Variants in WDR25 observed in about 807,000 individuals in gnomAD.
The protein encoded by WDR25 is WD repeat domain 25.
In WDR25, 35 loss-of-function variants were observed where a neutral mutation model predicts 47.7. That is an observed-to-expected ratio of 0.73 (90% confidence interval 0.56 to 0.97). The LOEUF (loss-of-function observed/expected upper bound fraction) is 0.97, where lower values mean the gene tolerates loss of function less well. WDR25 is among the 50% of genes least tolerant of loss of function. The pLI, the probability that WDR25 is intolerant of heterozygous loss-of-function variation, is 0.00. For missense variants in WDR25, 634 were observed against 704.7 expected, an observed-to-expected ratio of 0.90 and a Z score of 1.14; for synonymous variants, 248 against 278.9, an observed-to-expected ratio of 0.89 and a Z score of 1.10.
chr14:100,515,993 A>T (rs1469915287), intron 4 of WDR25, among the ~76,000 whole-genome samples: 1 of 144,130 alleles, frequency 6.9e-6, no homozygotes, highest in Non-Finnish European at 1.5e-5. Flanking sequence ...CTATTGACAG[A>T]TTTTTTTTTT....
At chr14:100,405,960 C>T (rs763854115) in intron 2 of WDR25, among the ~76,000 whole-genome samples, 3 of 152,164 alleles carry the variant, frequency 2.0e-5, no homozygotes, top group African/African-American at 7.2e-5. Flanking sequence ...GCAATCAATC[C>T]GTTTCTTGAC....
chr14:100,527,179 C>T (rs73351064), intron 5 of WDR25, among the ~76,000 whole-genome samples: 1,983 of 151,772 alleles, frequency 0.013, 40 homozygotes, highest in African/African-American at 0.045. Context: ...CACACTATCT[C>T]TATCACCACC....
At chr14:100,447,082 A>C (rs1370603422) in intron 2 of WDR25, among the ~76,000 whole-genome samples, 1 of 152,232 alleles carries the variant, frequency 6.6e-6, no homozygotes, top group Non-Finnish European at 1.5e-5. Context: ...CGCTATTAGA[A>C]AATTTCTGGG....
intron 2 of WDR25, among the ~76,000 whole-genome samples, chr14:100,438,884 AGAGCT>A (rs1342149672): frequency 6.6e-6 from 1 of 152,264 alleles, no homozygotes. Flanking sequence ...GGTAAGAGGC[AGAGCT>A]GGGATTTGAA....
At chr14:100,418,768 G>T (rs965672574) in intron 2 of WDR25, among the ~76,000 whole-genome samples, 3 of 142,226 alleles carry the variant, frequency 2.1e-5, no homozygotes, top group African/African-American at 6.0e-5. Context: ...GGCGGTGGCG[G>T]GGGGGGGTCC....
At position 100,520,418 on chromosome 14, in the gene WDR25, C is replaced by T. The variant is rs538402584; in HGVS notation, c.1102-5452C>T. On this transcript the variant is annotated intron_variant, in intron 4 of 6. Coordinates refer to ENST00000402312, the MANE Select transcript of WDR25 (RefSeq NM_001161476.3). ...TATATTGACACTAACAATGAAACGACTGAAAACACTTTAAGATTTCTTGCA... is the reference window on the plus strand; with the variant it reads ...TATATTGACACTAACAATGAAACGATTGAAAACACTTTAAGATTTCTTGCA... 1.8e-4 allele frequency among the ~76,000 whole-genome samples: 27 copies of T among 152,210 alleles called. No homozygotes were observed. The South Asian group carries it at 1.9e-3, about 11-fold the overall frequency.
chr14:100,520,761 A>G (rs2029869032), intron 4 of WDR25, among the ~76,000 whole-genome samples: 1 of 152,290 alleles, frequency 6.6e-6, no homozygotes, highest in South Asian at 2.1e-4. Flanking sequence ...GTTTACAAGC[A>G]TCGGGCTCGT....
At chr14:100,417,031 A>T (rs1451232414) in intron 2 of WDR25, among the ~76,000 whole-genome samples, 1 of 152,228 alleles carries the variant, frequency 6.6e-6, no homozygotes, top group Non-Finnish European at 1.5e-5. Context: ...CCTGAAAACT[A>T]GTGACTCAAC....
intron 2 of WDR25, among the ~76,000 whole-genome samples, chr14:100,398,568 T>C (rs1897309762): frequency 6.6e-6 from 1 of 151,890 alleles, no homozygotes. Flanking sequence ...CCCAACTTCT[T>C]CGAATGGTAA....
chr14:100,448,792 C>T (rs1029727673), intron 2 of WDR25, among the ~76,000 whole-genome samples: 2 of 152,046 alleles, frequency 1.3e-5, no homozygotes, highest in Non-Finnish European at 2.9e-5. Context: ...GCCTACCTAG[C>T]TGCATGGAGA....
chr14:100,444,669 C>T (rs1462255860), intron 2 of WDR25, among the ~76,000 whole-genome samples: 1 of 152,196 alleles, frequency 6.6e-6, no homozygotes, highest in Non-Finnish European at 1.5e-5. Context: ...TGGGACTATA[C>T]AGAGGGTGGA....
chr14:100,442,112 G>A (rs1462738800), intron 2 of WDR25, among the ~76,000 whole-genome samples: 1 of 152,220 alleles, frequency 6.6e-6, no homozygotes, highest in African/African-American at 2.4e-5. Context: ...AGCCATGCTT[G>A]AGCTCTTCTT....
In WDR25 at chr14:100,529,082, C is replaced by T. The variant is rs1458230670; in HGVS notation, c.1287C>T (p.Cys429=). ...SNQIFHERFT[C]PSLALHPREP... The stretch of plus-strand genomic sequence containing the variant: ...GCTGTTCTCAGGAGAGGTTCACCTG[C>T]CCCAGCCTCGCCTTGCACCCGAGAG... The change falls in exon 6 of 7, where the codon TGC becomes TGT. Residue 429 remains cysteine (C), a synonymous_variant. Coordinates refer to ENST00000402312, the MANE Select transcript of WDR25 (RefSeq NM_001161476.3). The surrounding 1 kb of genome is among the most constrained non-coding windows in gnomAD (Gnocchi z 5.1). The T allele has an allele frequency of 6.4e-7, 1 of 1,555,086 alleles. No homozygotes were observed. Among genetic ancestry groups the T allele is most frequent in the Non-Finnish European group, 8.7e-7 (1 of 1,144,018 alleles).
At chr14:100,427,360 C>G (rs1033284356) in intron 2 of WDR25, among the ~76,000 whole-genome samples, 2 of 152,194 alleles carry the variant, frequency 1.3e-5, no homozygotes, top group Non-Finnish European at 2.9e-5. Context: ...CTGTCCCGCT[C>G]CAAATGTATC....
At chr14:100,453,279 C>A (rs1899099129) in intron 2 of WDR25, among the ~76,000 whole-genome samples, 1 of 152,166 alleles carries the variant, frequency 6.6e-6, no homozygotes, top group Non-Finnish European at 1.5e-5. Context: ...ATTAGTGGTG[C>A]TGAAACCTGC....
At chr14:100,507,990 A>G (rs1019298640) in intron 4 of WDR25, among the ~76,000 whole-genome samples, 5 of 152,184 alleles carry the variant, frequency 3.3e-5, no homozygotes, top group Admixed American at 2.0e-4. Context: ...CTACAAGCCA[A>G]TATCCCTGAT....
intron 2 of WDR25, among the ~76,000 whole-genome samples, chr14:100,413,824 T>C (rs1350192853): frequency 6.6e-6 from 1 of 152,246 alleles, no homozygotes; most frequent in Non-Finnish European, 1.5e-5. Flanking sequence ...TAGCCTTTAG[T>C]GTCTGACTTC....
intron 4 of WDR25, among the ~76,000 whole-genome samples, chr14:100,515,531 A>G (rs1268831835): frequency 6.6e-6 from 1 of 152,166 alleles, no homozygotes; most frequent in East Asian, 1.9e-4. Flanking sequence ...TTTAAAAGAT[A>G]TCTTTCATGT....
chr14:100,481,642 C>T (rs1041798393), intron 3 of WDR25, among the ~76,000 whole-genome samples: 2 of 151,920 alleles, frequency 1.3e-5, no homozygotes, highest in Non-Finnish European at 2.9e-5. Context: ...CTGCATTTAA[C>T]GTCTTGAATG....
Sources: allele counts gnomAD v4.1 joint callset (sites outside exome capture counted in the v4.1 genomes callset), GRCh38; gene constraint gnomAD v4.1.1; non-coding constraint Gnocchi (gnomAD v3.1); transcripts MANE v1.5; gene names NCBI Gene and HGNC (gene_info 2026-07-23, HGNC 2026-07-21).